The following CIBAR2 variants were observed in gnomAD, a reference collection of about 807,000 sequenced individuals.
CIBAR2 encodes CBY1-interacting BAR domain-containing protein 2.
In CIBAR2, 38 loss-of-function variants were observed where a neutral mutation model predicts 36.2. That is an observed-to-expected ratio of 1.05 (90% confidence interval 0.81 to 1.38). The LOEUF (loss-of-function observed/expected upper bound fraction) is 1.38, where lower values mean the gene tolerates loss of function less well. Ranked by LOEUF, CIBAR2 falls within the 40% of genes most tolerant of loss-of-function variation. CIBAR2 has a pLI of 0.00. For missense variants in CIBAR2, 481 were observed against 383.4 expected, an observed-to-expected ratio of 1.25 and a Z score of -2.13; for synonymous variants, 182 against 149.5, an observed-to-expected ratio of 1.22 and a Z score of -1.58.
At chr16:85,111,934 C>T (rs1026160222) in intron 1 of CIBAR2, among the ~76,000 whole-genome samples, 13 of 152,192 alleles carry the variant, frequency 8.5e-5, no homozygotes, top group African/African-American at 1.2e-4. Flanking sequence ...TGGAAATGAA[C>T]GGGGCAGGGC....
chr16:85,105,471 G>C (rs368500243), intron 5 of CIBAR2, 40 bp from the exon 6 acceptor site: 6 of 1,479,722 alleles, frequency 4.1e-6, no homozygotes, highest in Non-Finnish European at 5.7e-6. Flanking sequence ...TGTCATGGGG[G>C]TGCTTCTGGC....
chr16:85,103,230 C>T lies in CIBAR2; in HGVS notation c.538-903G>A, dbSNP rs139996981. On this transcript the variant is annotated intron_variant, in intron 6 of 8. Coordinates refer to ENST00000539556, the MANE Select transcript of CIBAR2 (RefSeq NM_198491.3). ...GCTTTTCTGCCCCTTCTGCCACATG[C>T]GGACTCATAGCAGGCACCAGCCATG... Among the ~76,000 whole-genome samples, 597 of 152,244 alleles carry T rather than the reference C, an allele frequency of 3.9e-3. 7 individuals are homozygous for T. Among genetic ancestry groups the T allele is most frequent in the African/African-American group, 0.013 (532 of 41,542 alleles).
At position 85,110,525 on chromosome 16, in the gene CIBAR2, G is replaced by T. The variant is rs1486841932; in HGVS notation, c.21-65C>A. On this transcript the variant is annotated intron_variant, in intron 1 of 8. Coordinates refer to ENST00000539556, the MANE Select transcript of CIBAR2 (RefSeq NM_198491.3). ...ATGCAGGGCCCCGGTCATGCCAAGA[G>T]CAGACAATAGCTATGAAAACAGGAG... 1.1e-5 allele frequency: 13 copies of T among 1,230,914 alleles called. No homozygotes were observed. The African/African-American group carries it at 1.7e-4, about 16-fold the overall frequency. The allele number at this position is 1,230,914 out of a possible 1,614,324, so 76.2% of individuals were successfully genotyped here.
At chr16:85,101,109 C>T (rs921471156) in intron 7 of CIBAR2, among the ~76,000 whole-genome samples, 24 of 151,954 alleles carry the variant, frequency 1.6e-4, no homozygotes, top group Non-Finnish European at 7.4e-5. Flanking sequence ...GCCCAGGCCC[C>T]ATGGAAAAGC....
rs1415163646 is a variant in CIBAR2, at chr16:85,110,361, G to A, written c.120C>T (p.Ala40=). 4 of 1,613,580 alleles carry A rather than the reference G, an allele frequency of 2.5e-6. No individual in the cohort carries two copies. Among genetic ancestry groups the A allele is most frequent in the South Asian group, 1.1e-5 (1 of 91,046 alleles). The change falls in exon 2 of 9, where the codon GCC becomes GCT. Residue 40 remains alanine (A), a synonymous_variant. Transcript: ENST00000539556. ...SLLAAYTRKT[A]RLRDKADQLV... ...GCTGGTCCGCCTTGTCCCGCAGCCGGGCCGTCTTGCGCGTGTAGGCGGCCA... is the reference window on the plus strand; with the variant it reads ...GCTGGTCCGCCTTGTCCCGCAGCCGAGCCGTCTTGCGCGTGTAGGCGGCCA...
At chr16:85,108,881 C>T (rs1019942708) in intron 2 of CIBAR2, among the ~76,000 whole-genome samples, 1 of 151,888 alleles carries the variant, frequency 6.6e-6, no homozygotes, top group Non-Finnish European at 1.5e-5. Context: ...TCTCAGAAAA[C>T]AAAAAACAAC....
Position 85,110,332 on chromosome 16 carries a change from A to G in CIBAR2, c.149T>C (p.Val50Ala), listed in dbSNP as rs1346259800. Residue 50 changes from valine to alanine, a missense_variant, in exon 2 of 9, where the codon GTC (valine) becomes GCC (alanine). Transcript: ENST00000539556. ...ARLRDKADQL[V>A]KQLIDFANSE... Reference sequence around the variant, plus strand: ...GTTGGCAAAGTCGATGAGCTGCTTGACCAGCTGGTCCGCCTTGTCCCGCAG... The same window carrying G: ...GTTGGCAAAGTCGATGAGCTGCTTGGCCAGCTGGTCCGCCTTGTCCCGCAG... 6 of 1,612,656 alleles carry G rather than the reference A, an allele frequency of 3.7e-6. No individual in the cohort carries two copies. The highest frequency in any genetic ancestry group is 5.1e-6 in the Non-Finnish European group (6 of 1,179,402).
chr16:85,108,224 C>T (rs1262145836), intron 2 of CIBAR2, 125 bp from the exon 3 acceptor site: 6 of 829,492 alleles, frequency 7.2e-6, no homozygotes, highest in South Asian at 3.6e-5. Flanking sequence ...AGGTGGAGCG[C>T]GAGGTGCCCT....
rs752863344 is a variant in CIBAR2, at chr16:85,100,148, G to C, written c.744C>G (p.Leu248=). ...CCACCCACACGCTCACCTGGCTGGCGAGAGACTGAAGAACAGATGGAGGGG... is the reference window on the plus strand; with the variant it reads ...CCACCCACACGCTCACCTGGCTGGCCAGAGACTGAAGAACAGATGGAGGGG... ...TSPPPSVLQS[L]ASQGTLQVQL... Residue 248 remains leucine, a synonymous_variant, in exon 8 of 9, where the codon CTC becomes CTG. Coordinates refer to ENST00000539556, the MANE Select transcript of CIBAR2 (RefSeq NM_198491.3). The C allele has an allele frequency of 7.5e-6, 12 of 1,609,600 alleles. No homozygotes were observed. The East Asian group carries it at 2.0e-4, about 27-fold the overall frequency.
rs146980409 is a variant in CIBAR2, at chr16:85,110,343, C to T, written c.138G>A (p.Ala46=). The change falls in exon 2 of 9, where the codon GCG becomes GCA. Residue 46 remains alanine, a synonymous_variant. Transcript: ENST00000539556. ...CGATGAGCTGCTTGACCAGCTGGTC[C>T]GCCTTGTCCCGCAGCCGGGCCGTCT... is the stretch of plus-strand genomic sequence containing the variant. ...TRKTARLRDK[A]DQLVKQLIDF... The T allele has an allele frequency of 6.6e-5, 107 of 1,613,204 alleles. 1 individual carries two copies. The Admixed American group carries it at 1.1e-3, about 17-fold the overall frequency.
At chr16:85,108,509 G>C (rs1487547899) in intron 2 of CIBAR2, among the ~76,000 whole-genome samples, 1 of 152,232 alleles carries the variant, frequency 6.6e-6, no homozygotes, top group East Asian at 1.9e-4. Context: ...CTGCCACACA[G>C]GGTGGCGATG....
Position 85,110,165 on chromosome 16 carries a change from G to A in CIBAR2, c.255+61C>T, listed in dbSNP as rs569964602. ...CAGGGCTCCTGCAGCCCTCAGGCCT[G>A]ACCTTGGCATTGGAGCCTGGGTACC... On this transcript the variant is annotated intron_variant, in intron 2 of 8. Coordinates refer to ENST00000539556, the MANE Select transcript of CIBAR2 (RefSeq NM_198491.3). 72 of 1,340,542 alleles carry A rather than the reference G, an allele frequency of 5.4e-5. No individual in the cohort carries two copies. In the Admixed American group the frequency reaches 8.6e-4, roughly 16 times the overall value. 83.0% of individuals were successfully genotyped at this position (1,340,542 alleles called of 1,614,324 possible).
intron 1 of CIBAR2, 105 bp downstream of exon 1, chr16:85,112,228 C>T: frequency 2.0e-6 from 2 of 1,019,432 alleles, no homozygotes; most frequent in Non-Finnish European, 3.1e-6. Context: ...CCCCCAACCC[C>T]CACCCCAAGC....
At chr16:85,112,208 G>C in intron 1 of CIBAR2, 125 bp downstream of exon 1, 1 of 771,542 alleles carries the variant, frequency 1.3e-6, no homozygotes, top group Non-Finnish European at 2.2e-6. Flanking sequence ...GGGAGGGAGA[G>C]CTCCCCTCAC....
chr16:85,100,864 G>A (rs558549575), intron 7 of CIBAR2, among the ~76,000 whole-genome samples: 3 of 152,214 alleles, frequency 2.0e-5, no homozygotes, highest in East Asian at 3.9e-4. Context: ...TGGCTAACAC[G>A]GTGAAACCCC....
chr16:85,099,279 C>T lies in CIBAR2; in HGVS notation c.821G>A (p.Arg274Lys), dbSNP rs2073935377. 4.3e-6 allele frequency: 7 copies of T among 1,613,916 alleles called. No homozygotes were observed. The Admixed American group carries it at 6.7e-5, about 15-fold the overall frequency. The change falls in exon 9 of 9, where the codon AGG becomes AAG. Residue 274 changes from arginine to lysine, a missense_variant. Physicochemically the swap from Arg to Lys is conservative, Grantham distance 26. Coordinates refer to ENST00000539556, the MANE Select transcript of CIBAR2 (RefSeq NM_198491.3). ...AACCACCCACTCACAGAGACTAAACCTGCCATGATTGGCATGAGGATGTTC... is the reference window on the plus strand; with the variant it reads ...AACCACCCACTCACAGAGACTAAACTTGCCATGATTGGCATGAGGATGTTC... The part of the protein sequence containing the change: ...DPEHPHANHG[R>K]FSLCEWVVKG...
chr16:85,103,264 G>A (rs1228182482), intron 6 of CIBAR2, among the ~76,000 whole-genome samples: 1 of 152,110 alleles, frequency 6.6e-6, no homozygotes, highest in Non-Finnish European at 1.5e-5. Context: ...TGGGGAACAG[G>A]CCCTCCTCGG....
At position 85,099,080 on chromosome 16, in the gene CIBAR2, A is replaced by G. The variant is rs564374056; in HGVS notation, c.*105T>C. 2 of 1,328,144 alleles carry G rather than the reference A, an allele frequency of 1.5e-6. No individual in the cohort carries two copies. Among genetic ancestry groups the G allele is most frequent in the African/African-American group, 3.0e-5 (2 of 66,412 alleles). The allele number at this position is 1,328,144 out of a possible 1,614,324, so 82.3% of individuals were successfully genotyped here. A position where few individuals can be genotyped will look rare whatever the true frequency, so the allele number is the denominator to read the frequency against. ...TTGAAGACAAGGTCTTTGAATTAAC[A>G]CAATCCAACAAAGACAAAGAAAAAA... On this transcript the variant is annotated 3_prime_UTR_variant, in exon 9 of 9. Coordinates refer to ENST00000539556, the MANE Select transcript of CIBAR2 (RefSeq NM_198491.3).
At chr16:85,106,524 G>A (rs956403029) in intron 5 of CIBAR2, among the ~76,000 whole-genome samples, 1 of 152,124 alleles carries the variant, frequency 6.6e-6, no homozygotes, top group Admixed American at 6.5e-5. Context: ...GGCAGGTCAG[G>A]GGAAAGATGT....
Sources: allele counts gnomAD v4.1 joint callset (sites outside exome capture counted in the v4.1 genomes callset), GRCh38; gene constraint gnomAD v4.1.1; transcripts MANE v1.5; gene names NCBI Gene and HGNC (gene_info 2026-07-23, HGNC 2026-07-21).